The following RPH3A variants were observed in gnomAD, a reference collection of about 807,000 sequenced individuals.
RPH3A encodes rabphilin-3A.
In RPH3A, 48 loss-of-function variants were observed where a neutral mutation model predicts 102.2. The ratio of observed to expected loss-of-function variants is 0.47; its 90% CI spans 0.37 to 0.60. The LOEUF (loss-of-function observed/expected upper bound fraction) is 0.60. RPH3A is among the 20% of genes least tolerant of loss of function. RPH3A has a pLI of 0.00. For missense variants in RPH3A, 781 were observed against 910.1 expected, an observed-to-expected ratio of 0.86 and a Z score of 1.83; for synonymous variants, 310 against 324.3, an observed-to-expected ratio of 0.96 and a Z score of 0.47.
chr12:112,657,884 T>G lies in RPH3A; in HGVS notation c.-140+82565T>G, dbSNP rs565637549. Among the ~76,000 whole-genome samples the G allele has an allele frequency of 1.8e-3, 269 of 152,188 alleles. 1 individual carries two copies. Among genetic ancestry groups the G allele is most frequent in the Middle Eastern group, 6.8e-3 (2 of 294 alleles). ...GGAAAGTGACATTTGAGCAAGGACC[T>G]GAAGAAGGGAGGGAGTTGACTGTGT... On this transcript the variant is annotated intron_variant, in intron 1 of 21. Coordinates refer to the RPH3A transcript ENST00000543106.
intron 1 of RPH3A, among the ~76,000 whole-genome samples, chr12:112,717,201 C>T (rs1323606948): frequency 6.6e-6 from 1 of 152,150 alleles, no homozygotes; most frequent in African/African-American, 2.4e-5. Context: ...GTAAAATTCA[C>T]TCTTTACAGT....
At chr12:112,892,359 C>T (rs1014247806) in intron 19 of RPH3A, among the ~76,000 whole-genome samples, 4 of 152,072 alleles carry the variant, frequency 2.6e-5, no homozygotes, top group Admixed American at 2.6e-4. Context: ...CAGAGGGGAC[C>T]CATAGAGACC....
intron 1 of RPH3A, among the ~76,000 whole-genome samples, chr12:112,758,056 C>T (rs2040833028): frequency 6.6e-6 from 1 of 152,166 alleles, no homozygotes; most frequent in Non-Finnish European, 1.5e-5. Context: ...GTATACCTCT[C>T]CCCTCTGCCC....
At chr12:112,653,658 G>A (rs865999743) in intron 1 of RPH3A, among the ~76,000 whole-genome samples, 6 of 151,904 alleles carry the variant, frequency 3.9e-5, no homozygotes, top group Middle Eastern at 6.8e-3. Flanking sequence ...TTTTAGGTTC[G>A]GAGGTACATG....
chr12:112,797,438 G>GT (rs1268816901), intron 2 of RPH3A, among the ~76,000 whole-genome samples: 2 of 152,108 alleles, frequency 1.3e-5, no homozygotes, highest in African/African-American at 4.8e-5. Context: ...CTGTTGGGGG[G>GT]TAAAAAGCTC....
chr12:112,647,607 G>T (rs2522996), intron 1 of RPH3A, among the ~76,000 whole-genome samples: 1 of 68,696 alleles, frequency 1.5e-5, no homozygotes, highest in Non-Finnish European at 3.2e-5. Context: ...GTGTGTGTAT[G>T]TGTGTGTGTG....
chr12:112,676,432 A>C (rs1272693686), intron 1 of RPH3A, among the ~76,000 whole-genome samples: 2 of 152,200 alleles, frequency 1.3e-5, no homozygotes, highest in South Asian at 2.1e-4. Context: ...TTTCTCACCA[A>C]GTCTCTTCTC....
At chr12:112,641,334 G>A (rs1266570769) in intron 1 of RPH3A, among the ~76,000 whole-genome samples, 1 of 152,224 alleles carries the variant, frequency 6.6e-6, no homozygotes, top group Non-Finnish European at 1.5e-5. Context: ...ACCTGGATCA[G>A]AGACAGTGTT....
intron 1 of RPH3A, among the ~76,000 whole-genome samples, chr12:112,576,693 G>C (rs1425583742): frequency 6.6e-6 from 1 of 152,104 alleles, no homozygotes; most frequent in Admixed American, 6.5e-5. Context: ...CTCAGATCTG[G>C]CCCCACATAA....
chr12:112,645,869 G>A (rs1035119126), intron 1 of RPH3A, among the ~76,000 whole-genome samples: 4 of 152,140 alleles, frequency 2.6e-5, no homozygotes, highest in Admixed American at 2.0e-4. Flanking sequence ...AGCCATAGGA[G>A]GTGGTTTTAT....
chr12:112,665,762 C>A (rs1035867787), intron 1 of RPH3A, among the ~76,000 whole-genome samples: 1 of 152,184 alleles, frequency 6.6e-6, no homozygotes, highest in African/African-American at 2.4e-5. Flanking sequence ...TTTGGTCTAT[C>A]TCCTTCATTG....
In RPH3A at chr12:112,779,986, C is replaced by T. The variant is rs185308960; in HGVS notation, c.-139-12157C>T. On this transcript the variant is annotated intron_variant, in intron 1 of 21. Coordinates refer to the RPH3A transcript ENST00000543106. ...CAAGCCAAGAAACTGCAAGGACTGT[C>T]GGCCACTGCCAGAAGCTGGGAGATT... Among the ~76,000 whole-genome samples the T allele has an allele frequency of 9.7e-4, 148 of 152,260 alleles. 1 individual carries two copies. The highest frequency in any genetic ancestry group is 3.4e-3 in the African/African-American group (140 of 41,548).
intron 2 of RPH3A, among the ~76,000 whole-genome samples, chr12:112,813,082 T>C (rs1191066589): frequency 6.6e-6 from 1 of 152,230 alleles, no homozygotes; most frequent in East Asian, 1.9e-4. Flanking sequence ...CTTGTTTTTC[T>C]TAGAAGGAAA....
At chr12:112,831,486 G>A (rs1284518705) in intron 3 of RPH3A, among the ~76,000 whole-genome samples, 1 of 151,690 alleles carries the variant, frequency 6.6e-6, no homozygotes, top group Non-Finnish European at 1.5e-5. Context: ...ACCTACATAC[G>A]ACTCTTCTCT....
chr12:112,704,423 T>C (rs1419448228), intron 1 of RPH3A, among the ~76,000 whole-genome samples: 2 of 152,128 alleles, frequency 1.3e-5, no homozygotes, highest in African/African-American at 2.4e-5. Flanking sequence ...TCTATGGTGC[T>C]GGGTGATGGA....
intron 1 of RPH3A, among the ~76,000 whole-genome samples, chr12:112,722,113 G>C (rs979777020): frequency 6.6e-6 from 1 of 152,230 alleles, no homozygotes; most frequent in Non-Finnish European, 1.5e-5. Flanking sequence ...CAGAGGAGAA[G>C]ACTCTTCGCC....
intron 1 of RPH3A, among the ~76,000 whole-genome samples, chr12:112,618,574 A>C (rs1181850035): frequency 1.3e-5 from 2 of 152,206 alleles, no homozygotes; most frequent in African/African-American, 4.8e-5. Flanking sequence ...TGGGGAATTA[A>C]ATAGTCTCCA....
chr12:112,764,732 G>C (rs1485594063), intron 1 of RPH3A, among the ~76,000 whole-genome samples: 1 of 151,876 alleles, frequency 6.6e-6, no homozygotes, highest in East Asian at 1.9e-4. Context: ...GACAGTTTCA[G>C]CTTTTACCTT....
At chr12:112,839,611 C>T (rs1233198063) in intron 4 of RPH3A, among the ~76,000 whole-genome samples, 1 of 152,180 alleles carries the variant, frequency 6.6e-6, no homozygotes, top group Non-Finnish European at 1.5e-5. Flanking sequence ...GAGGCATTGC[C>T]TCTGGACTAG....
Sources: allele counts gnomAD v4.1 joint callset (sites outside exome capture counted in the v4.1 genomes callset), GRCh38; gene constraint gnomAD v4.1.1; transcripts MANE v1.5; gene names NCBI Gene and HGNC (gene_info 2026-07-23, HGNC 2026-07-21).